The following TECTA variants were observed in gnomAD, a reference collection of about 807,000 sequenced individuals.
The protein encoded by TECTA is tectorin alpha, also known as alpha-tectorin.
A neutral mutation model predicts 216.8 loss-of-function variants in TECTA; 128 were observed. That is an observed-to-expected ratio of 0.59 (90% CI 0.51 to 0.68). The LOEUF is 0.68. TECTA is among the 30% of genes least tolerant of loss of function. The pLI, the probability that TECTA is intolerant of heterozygous loss-of-function variation, is 0.00. For synonymous variants in TECTA, 1,089 were observed against 1,117.1 expected, an observed-to-expected ratio of 0.97 and a Z score of 0.50; for missense variants, 2,551 against 2,786.2, an observed-to-expected ratio of 0.92 and a Z score of 1.90.
intron 10 of TECTA, among the ~76,000 whole-genome samples, chr11:121,134,345 A>ACACACACACACACACACG (rs954311155): frequency 4.0e-5 from 6 of 151,796 alleles, no homozygotes; most frequent in African/African-American, 9.7e-5. Context: ...ACACACACAC[A>ACACACACACACACACACG]CACGCACACA....
chr11:121,120,477 G>C (rs772026027), intron 7 of TECTA, among the ~76,000 whole-genome samples: 13 of 152,226 alleles, frequency 8.5e-5, no homozygotes, highest in Non-Finnish European at 1.3e-4. Context: ...GGCAGGGAGA[G>C]GGCTGGGAAG....
chr11:121,168,838 C>G lies in TECTA; in HGVS notation c.5912C>G (p.Thr1971Arg), dbSNP rs1227395364. The change falls in exon 20 of 24, where the codon ACA (threonine) becomes AGA (arginine). Residue 1971 changes from threonine (T) to arginine (R), a missense_variant. Physicochemically the swap from Thr to Arg is moderately conservative, Grantham distance 71 (BLOSUM62 -1). Coordinates refer to ENST00000392793, the MANE Select transcript of TECTA (RefSeq NM_005422.4). ...VGVFVVGADA[T>R]HLILTLNKCY... The stretch of plus-strand genomic sequence containing the variant: ...GTTTTTGTGGTTGGAGCTGACGCCA[C>G]ACATTTAATCCTAACACTCAACAAA... 1 of 1,614,156 alleles carries G rather than the reference C, an allele frequency of 6.2e-7. No homozygotes were observed. Among genetic ancestry groups the G allele is most frequent in the Admixed American group, 1.7e-5 (1 of 60,026 alleles).
rs1317620357 is a variant in TECTA, at chr11:121,113,711, C to T, written c.783C>T (p.Thr261=). 6.2e-7 allele frequency: 1 copy of T among 1,613,542 alleles called. No individual in the cohort carries two copies. The highest frequency in any genetic ancestry group is 2.2e-5 in the East Asian group (1 of 44,876). ...AAATTGACCCAGCCAATGGCTGCACCTCAAGGGGTAAAGCTTTTCCTCTGT... is the reference window on the plus strand; with the variant it reads ...AAATTGACCCAGCCAATGGCTGCACTTCAAGGGGTAAAGCTTTTCCTCTGT... ...GKEIDPANGC[T]SRGQFLRRGE... Residue 261 remains threonine (T), a synonymous_variant, in exon 6 of 24, where the codon ACC becomes ACT. Transcript: ENST00000392793. This position sits in a 1 kb window ranked among gnomAD's most constrained non-coding sequence, Gnocchi z 4.2.
At chr11:121,161,558 T>C (rs55974690) in intron 15 of TECTA, among the ~76,000 whole-genome samples, 21 of 6,846 alleles carry the variant, frequency 3.1e-3, no homozygotes, top group South Asian at 0.012. Context: ...TTCCCTTCCC[T>C]TCCCTTCCCT....
chr11:121,122,689 AAAAAG>A (rs1325772831), intron 7 of TECTA, among the ~76,000 whole-genome samples: 96 of 147,258 alleles, frequency 6.5e-4, no homozygotes, highest in African/African-American at 2.1e-3. Flanking sequence ...AAAAAAAAAA[AAAAAG>A]AAAGCCAAAA....
At chr11:121,125,125 C>T (rs1176293552) in intron 7 of TECTA, among the ~76,000 whole-genome samples, 177 bp from the exon 8 acceptor site, 8 of 152,252 alleles carry the variant, frequency 5.3e-5, no homozygotes. Flanking sequence ...AAGCAGCTCT[C>T]TCCATTTCCC....
chr11:121,136,355 G>C (rs1454866022), intron 10 of TECTA, among the ~76,000 whole-genome samples: 1 of 152,126 alleles, frequency 6.6e-6, no homozygotes, highest in Non-Finnish European at 1.5e-5. Flanking sequence ...GTGGGTGGGG[G>C]GCTGTCCAGG....
At chr11:121,159,988 C>T (rs1001784231) in intron 14 of TECTA, 147 bp from the exon 15 acceptor site, 5 of 833,558 alleles carry the variant, frequency 6.0e-6, no homozygotes, top group Non-Finnish European at 9.7e-6. Flanking sequence ...TCTATGCCTG[C>T]TGTCATGCTG....
intron 3 of TECTA, among the ~76,000 whole-genome samples, chr11:121,108,467 A>G (rs886671041): frequency 1.6e-5 from 2 of 122,612 alleles, no homozygotes; most frequent in African/African-American, 5.7e-5. Flanking sequence ...CCCCTAGTAC[A>G]TACACATATA....
At chr11:121,109,662 A>G in intron 4 of TECTA, 164 bp downstream of exon 4, 1 of 790,036 alleles carries the variant, frequency 1.3e-6, no homozygotes, top group Non-Finnish European at 2.1e-6. Context: ...AGAGGGAACT[A>G]TCACAGTTAA....
Position 121,129,714 on chromosome 11 carries a change from C to T in TECTA, c.2444C>T (p.Thr815Met), listed in dbSNP as rs111759871. The T allele has an allele frequency of 1.2e-4, 201 of 1,614,170 alleles. 1 individual carries two copies. The African/African-American group carries it at 2.1e-3, about 17-fold the overall frequency. ...KLEIYRNKNS[T>M]TVESKGVVTV... is the part of the protein sequence containing the mutation. Reference sequence around the variant, plus strand: ...GAAATTTATCGAAACAAAAACAGTACGACAGTGGAGTCCAAGGGCGTGGTG... The same window carrying T: ...GAAATTTATCGAAACAAAAACAGTATGACAGTGGAGTCCAAGGGCGTGGTG... The change falls in exon 10 of 24, where the codon ACG (threonine) becomes ATG (methionine). Residue 815 changes from threonine (T) to methionine (M), a missense_variant. This residue lies in a region of TECTA where 2,375 missense variants were observed against 2,563.9 expected (regional missense o/e 0.93). Coordinates refer to ENST00000392793, the MANE Select transcript of TECTA (RefSeq NM_005422.4).
At position 121,125,812 on chromosome 11, in the gene TECTA, G is replaced by C; in HGVS notation, c.1714G>C (p.Ala572Pro). The C allele has an allele frequency of 9.9e-6, 16 of 1,613,742 alleles. No individual in the cohort carries two copies. Among genetic ancestry groups the C allele is most frequent in the Non-Finnish European group, 1.4e-5 (16 of 1,180,048 alleles). The change falls in exon 8 of 24, where the codon GCT becomes CCT. Residue 572 changes from alanine (A) to proline (P), a missense_variant. Ala to Pro is a conservative substitution (Grantham distance 27). Around this residue, in one of 3 missense-constraint regions of TECTA, gnomAD observed 2,375 missense variants for 2,563.9 expected, o/e 0.93. Coordinates refer to ENST00000392793, the MANE Select transcript of TECTA (RefSeq NM_005422.4). Reference sequence around the variant, plus strand: ...CCTCTGCCAAGCCATCCAGGCCTATGCTCTTGTGTGCCAAGCCCTTGGCAT... The same window carrying C: ...CCTCTGCCAAGCCATCCAGGCCTATCCTCTTGTGTGCCAAGCCCTTGGCAT... ...TLLCQAIQAYALVCQALGIPI... is the reference protein window; with the variant it reads ...TLLCQAIQAYPLVCQALGIPI...
chr11:121,126,260 G>C (rs661189), intron 8 of TECTA, among the ~76,000 whole-genome samples: 111,893 of 152,120 alleles, frequency 0.74, 41,706 homozygotes, highest in African/African-American at 0.86. Context: ...GGGAAAATAG[G>C]TCACCTTCCA....
chr11:121,108,958 C>T (rs1946417918), intron 3 of TECTA, among the ~76,000 whole-genome samples: 1 of 152,114 alleles, frequency 6.6e-6, no homozygotes, highest in Admixed American at 6.5e-5. Flanking sequence ...GGATAGGGAA[C>T]ATGAAAATGA....
At position 121,128,165 on chromosome 11, in the gene TECTA, GC is replaced by G; in HGVS notation, c.2190del (p.Phe731SerfsTer10). The G allele has an allele frequency of 6.2e-7, 1 of 1,610,688 alleles. No individual in the cohort carries two copies. Among genetic ancestry groups the G allele is most frequent in the Non-Finnish European group, 8.5e-7 (1 of 1,179,998 alleles). ...GCACACCTTTGACGGCGCCTCCTACGCCTTCCCCTCCGAGTTCTCCTACACC... is the reference window on the plus strand; with the variant it reads ...GCACACCTTTGACGGCGCCTCCTACGCTTCCCCTCCGAGTTCTCCTACACC... ...VLHTFDGASYAFPSEFSYTLL... is the reference protein window; with the variant it reads ...VLHTFDGASYXFPSEFSYTLL... On this transcript the variant is annotated frameshift_variant, in exon 9 of 24. Coordinates refer to ENST00000392793, the MANE Select transcript of TECTA (RefSeq NM_005422.4). LOFTEE classifies it high-confidence loss of function.
intron 7 of TECTA, among the ~76,000 whole-genome samples, chr11:121,124,662 T>G (rs1946590135): frequency 6.6e-6 from 1 of 152,188 alleles, no homozygotes; most frequent in Non-Finnish European, 1.5e-5. Context: ...GGCAATTATG[T>G]TTTTTAACCC....
chr11:121,187,649 A>G (rs1411293049), intron 20 of TECTA, among the ~76,000 whole-genome samples, 183 bp from the exon 21 acceptor site: 1 of 152,228 alleles, frequency 6.6e-6, no homozygotes, highest in Non-Finnish European at 1.5e-5. Context: ...ACAAACTATG[A>G]AAACATGAGG....
At chr11:121,133,351 G>GTA (rs967228033) in intron 10 of TECTA, among the ~76,000 whole-genome samples, 4 of 151,954 alleles carry the variant, frequency 2.6e-5, no homozygotes, top group African/African-American at 9.7e-5. Flanking sequence ...CATAACCACA[G>GTA]TACAGTTTTC....
chr11:121,125,056 T>C (rs1306953605), intron 7 of TECTA, among the ~76,000 whole-genome samples: 4 of 152,394 alleles, frequency 2.6e-5, no homozygotes, highest in African/African-American at 9.6e-5. Context: ...GAGTCCGTAG[T>C]GGCACTCTGT....
Sources: allele counts gnomAD v4.1 joint callset (sites outside exome capture counted in the v4.1 genomes callset), GRCh38; gene constraint gnomAD v4.1.1; regional missense constraint gnomAD v4.1.1; non-coding constraint Gnocchi (gnomAD v3.1); transcripts MANE v1.5; gene names NCBI Gene and HGNC (gene_info 2026-07-23, HGNC 2026-07-21).